The following LPP variants were observed in gnomAD, a reference collection of about 807,000 sequenced individuals.
The protein encoded by LPP is LIM domain containing preferred translocation partner in lipoma.
A neutral mutation model predicts 60.4 loss-of-function variants in LPP; 38 were observed. The ratio of observed to expected loss-of-function variants is 0.63; its 90% confidence interval spans 0.49 to 0.83. The LOEUF is 0.83. Ranked by LOEUF, LPP falls within the 40% of genes least tolerant of loss-of-function variation. The probability of loss-of-function intolerance (pLI) is 0.00; values close to 1 mark genes in which losing one functional copy is unlikely to be tolerated. For missense variants in LPP, 902 were observed against 783.6 expected, an observed-to-expected ratio of 1.15 and a Z score of -1.80; for synonymous variants, 328 against 290.8, an observed-to-expected ratio of 1.13 and a Z score of -1.30.
At chr3:188,634,421 G>C (rs895123743) in intron 7 of LPP, among the ~76,000 whole-genome samples, 4 of 152,162 alleles carry the variant, frequency 2.6e-5, no homozygotes, top group African/African-American at 9.7e-5. Context: ...ATTTGCTCAT[G>C]GTCCTACAGG....
intron 7 of LPP, among the ~76,000 whole-genome samples, chr3:188,675,179 C>T (rs1052543450): frequency 3.3e-5 from 5 of 152,188 alleles, no homozygotes; most frequent in African/African-American, 1.2e-4. Context: ...TACATAACAG[C>T]TGTTCAGACT....
At chr3:188,418,266 A>G (rs1049405330) in intron 4 of LPP, among the ~76,000 whole-genome samples, 1 of 152,216 alleles carries the variant, frequency 6.6e-6, no homozygotes, top group African/African-American at 2.4e-5. Context: ...GATAAACACT[A>G]TTTGGTAATA....
rs1236475108 is a variant in LPP, at chr3:188,251,710, T to C, written c.-67+26183T>C. 2.6e-5 allele frequency among the ~76,000 whole-genome samples: 4 copies of C among 151,946 alleles called. No individual in the cohort carries two copies. The East Asian group carries it at 7.7e-4, about 29-fold the overall frequency. On this transcript the variant is annotated intron_variant, in intron 2 of 11. Coordinates refer to ENST00000617246, the MANE Select transcript of LPP (RefSeq NM_001375462.1). ...ACTTAACCCTGCCCAAGACTGAGGGTATATTGTCAAACGCTCTTCAGGGAT... is the reference window on the plus strand; with the variant it reads ...ACTTAACCCTGCCCAAGACTGAGGGCATATTGTCAAACGCTCTTCAGGGAT...
intron 9 of LPP, among the ~76,000 whole-genome samples, chr3:188,841,032 G>A (rs992477388): frequency 1.3e-5 from 2 of 152,060 alleles, no homozygotes; most frequent in Non-Finnish European, 2.9e-5. Context: ...TGTGCTATGT[G>A]GGCCATCAGA....
intron 7 of LPP, among the ~76,000 whole-genome samples, chr3:188,707,666 A>C (rs529659246): frequency 6.6e-6 from 1 of 152,172 alleles, no homozygotes; most frequent in African/African-American, 2.4e-5. Flanking sequence ...CTCATTTCCT[A>C]TCTCAAAGTT....
chr3:188,636,983 G>A (rs1209054850), intron 7 of LPP, among the ~76,000 whole-genome samples: 2 of 144,116 alleles, frequency 1.4e-5, no homozygotes. Context: ...GGATACCCAG[G>A]AATTGAACTC....
rs552724301 is a variant in LPP at position 188,588,052 on chromosome 3, G to A, written c.430-21109G>A. 3.9e-5 allele frequency among the ~76,000 whole-genome samples: 6 copies of A among 152,232 alleles called. No individual in the cohort carries two copies. The South Asian group carries it at 1.2e-3, about 32-fold the overall frequency. On this transcript the variant is annotated intron_variant, in intron 6 of 11. Transcript: ENST00000617246. Reference sequence around the variant, plus strand: ...TTCCCCTAGTTGTCCTGTGAAGAAAGAATTTTAAATTCACATTTCACATGC... The same window carrying A: ...TTCCCCTAGTTGTCCTGTGAAGAAAAAATTTTAAATTCACATTTCACATGC...
chr3:188,391,141 A>G (rs1350612656), intron 3 of LPP, among the ~76,000 whole-genome samples: 2 of 152,172 alleles, frequency 1.3e-5, no homozygotes, highest in African/African-American at 4.8e-5. Context: ...AATGTTGGAG[A>G]GAAAGGGACT....
intron 2 of LPP, among the ~76,000 whole-genome samples, chr3:188,293,220 G>T (rs958821201): frequency 1.6e-4 from 24 of 152,178 alleles, no homozygotes; most frequent in Non-Finnish European, 2.6e-4. Context: ...TAAGTGGTTG[G>T]GTTTAATATC....
chr3:188,414,479 G>A (rs1307814906), intron 4 of LPP, among the ~76,000 whole-genome samples: 4 of 152,096 alleles, frequency 2.6e-5, no homozygotes, highest in Non-Finnish European at 5.9e-5. Context: ...TTAGTCTGTA[G>A]TAATGAATAT....
chr3:188,702,272 T>C (rs957374350), intron 7 of LPP, among the ~76,000 whole-genome samples: 1 of 151,936 alleles, frequency 6.6e-6, no homozygotes, highest in Non-Finnish European at 1.5e-5. Flanking sequence ...CTTAACAGTT[T>C]TTTAGATATA....
At chr3:188,619,579 T>G (rs781673139) in intron 7 of LPP, among the ~76,000 whole-genome samples, 4 of 152,206 alleles carry the variant, frequency 2.6e-5, no homozygotes, top group Admixed American at 2.0e-4. Context: ...CTCGCTTCAT[T>G]CCATATTATC....
chr3:188,489,726 C>T (rs1356226510), intron 5 of LPP, among the ~76,000 whole-genome samples: 1 of 152,196 alleles, frequency 6.6e-6, no homozygotes. Flanking sequence ...GGTAGACTTC[C>T]TTCAGATCCA....
intron 7 of LPP, among the ~76,000 whole-genome samples, chr3:188,642,508 G>C (rs2148821640): frequency 6.6e-6 from 1 of 152,336 alleles, no homozygotes; most frequent in East Asian, 1.9e-4. Context: ...AGGAGATTAA[G>C]CTTTTAATGT....
intron 9 of LPP, among the ~76,000 whole-genome samples, chr3:188,799,612 TTC>T (rs1419118294): frequency 6.6e-6 from 1 of 152,224 alleles, no homozygotes; most frequent in East Asian, 1.9e-4. Context: ...ATGTCATGTT[TTC>T]TGTCTTCAGA....
intron 7 of LPP, among the ~76,000 whole-genome samples, chr3:188,645,577 G>T (rs1161617384): frequency 1.8e-4 from 27 of 152,048 alleles, no homozygotes. Context: ...AGACAAATGC[G>T]CAGTAATACC....
At chr3:188,636,327 C>G (rs1277223791) in intron 7 of LPP, among the ~76,000 whole-genome samples, 2 of 152,188 alleles carry the variant, frequency 1.3e-5, no homozygotes, top group East Asian at 3.9e-4. Flanking sequence ...TCACTCCCAC[C>G]CGAATACTGC....
chr3:188,429,749 A>G (rs759648063), intron 4 of LPP, among the ~76,000 whole-genome samples: 1 of 152,264 alleles, frequency 6.6e-6, no homozygotes, highest in East Asian at 1.9e-4. Flanking sequence ...GAGTCTCTTA[A>G]TTATTTAATG....
chr3:188,602,155 T>A (rs530250420), intron 6 of LPP, among the ~76,000 whole-genome samples: 1 of 125,706 alleles, frequency 8.0e-6, no homozygotes, highest in East Asian at 2.0e-4. Context: ...ATATATATAA[T>A]ATATATATAA....
Sources: gnomAD v4.1 joint callset for allele counts (sites outside exome capture counted in the v4.1 genomes callset) on GRCh38, gnomAD v4.1.1 for gene constraint, MANE v1.5 for transcripts, NCBI Gene and HGNC (gene_info 2026-07-23, HGNC 2026-07-21) for gene names.